Variants in CNBD1 observed in about 807,000 individuals in gnomAD.
CNBD1 encodes the protein cyclic nucleotide-binding domain-containing protein 1.
A neutral mutation model predicts 54.4 loss-of-function variants in CNBD1; 71 were observed. That is an observed-to-expected ratio of 1.30 (90% confidence interval 1.08 to 1.59). CNBD1 has a LOEUF of 1.59. CNBD1 is among the 40% of genes most tolerant of loss of function. The pLI, the probability that CNBD1 is intolerant of heterozygous loss-of-function variation, is 0.00. For missense variants in CNBD1, 659 were observed against 518.0 expected (o/e 1.27, Z -2.64); for synonymous variants, 182 against 170.7 (o/e 1.07, Z -0.51).
Position 87,080,174 on chromosome 8 carries a change from A to G in CNBD1, c.432-125819A>G, listed in dbSNP as rs555737236. On this transcript the variant is annotated intron_variant, in intron 4 of 10. Transcript: ENST00000518476. ...GTATCTGTCCTTTCATGAATACCAC[A>G]TTGTCTCGATTGGTGTAGTTTTATA... Among the ~76,000 whole-genome samples, 6 of 152,304 alleles carry G rather than the reference A, an allele frequency of 3.9e-5. No individual in the cohort carries two copies. The South Asian group carries it at 1.2e-3, about 32-fold the overall frequency.
chr8:87,092,361 G>A (rs1354460447), intron 4 of CNBD1, among the ~76,000 whole-genome samples: 1 of 150,874 alleles, frequency 6.6e-6, no homozygotes, highest in African/African-American at 2.5e-5. Context: ...GTGTGTGTGT[G>A]TGTGTGTATG....
At chr8:86,870,124 GAA>G (rs559815513) in intron 1 of CNBD1, among the ~76,000 whole-genome samples, 1 of 127,716 alleles carries the variant, frequency 7.8e-6, no homozygotes, top group Non-Finnish European at 1.6e-5. Context: ...ATATGAGTTG[GAA>G]AAAAAAAAGC....
chr8:87,302,214 A>G (rs1809014986), intron 8 of CNBD1, among the ~76,000 whole-genome samples: 2 of 152,232 alleles, frequency 1.3e-5, no homozygotes, highest in African/African-American at 4.8e-5. Context: ...AATATCCCTG[A>G]TGAACATCGA....
chr8:86,959,000 C>G lies in CNBD1; in HGVS notation c.431+19246C>G, dbSNP rs555506349. ...AGTGGCTGGTACCGGTTGTTCTTTT[C>G]CATGTTTAGTTCTTCCTCCAGGAGT... On this transcript the variant is annotated intron_variant, in intron 4 of 10. Transcript: ENST00000518476. Among the ~76,000 whole-genome samples the G allele has an allele frequency of 2.6e-5, 4 of 152,222 alleles. No homozygotes were observed. In the South Asian group the frequency reaches 8.3e-4, roughly 32 times the overall value.
intron 8 of CNBD1, among the ~76,000 whole-genome samples, chr8:87,343,450 A>G (rs1810108768): frequency 6.6e-6 from 1 of 152,210 alleles, no homozygotes. Flanking sequence ...TGTCCATGAA[A>G]TCTTCACAAC....
chr8:87,260,235 C>T (rs1319939763), intron 6 of CNBD1, among the ~76,000 whole-genome samples: 1 of 152,076 alleles, frequency 6.6e-6, no homozygotes, highest in Non-Finnish European at 1.5e-5. Context: ...ATTCCTGTAC[C>T]CTGGAAGGCA....
chr8:86,908,800 T>TTTTGACGGAGTCC (rs1554629463), intron 3 of CNBD1, among the ~76,000 whole-genome samples: 3 of 135,768 alleles, frequency 2.2e-5, no homozygotes, highest in Non-Finnish European at 3.2e-5. Context: ...TTTTTTTTTT[T>TTTTGACGGAGTCC]TGTGCTGAGG....
intron 4 of CNBD1, among the ~76,000 whole-genome samples, chr8:87,137,686 G>T (rs910088175): frequency 1.3e-5 from 2 of 152,088 alleles, no homozygotes; most frequent in Non-Finnish European, 2.9e-5. Flanking sequence ...TTGATTTATT[G>T]ATTTTTTTAC....
chr8:87,212,787 G>A (rs1814128332), intron 5 of CNBD1, among the ~76,000 whole-genome samples: 1 of 152,000 alleles, frequency 6.6e-6, no homozygotes, highest in Non-Finnish European at 1.5e-5. Flanking sequence ...CATAATCACA[G>A]GTTAAGCCAT....
intron 4 of CNBD1, among the ~76,000 whole-genome samples, chr8:87,180,530 A>G (rs1813290107): frequency 6.6e-6 from 1 of 152,198 alleles, no homozygotes; most frequent in South Asian, 2.1e-4. Context: ...TAAGATAAAT[A>G]GTTGGATGTG....
intron 4 of CNBD1, among the ~76,000 whole-genome samples, chr8:87,113,951 G>A (rs985386246): frequency 1.3e-5 from 2 of 151,596 alleles, no homozygotes; most frequent in Non-Finnish European, 2.9e-5. Flanking sequence ...TAGAAATGAT[G>A]GCACTATGCC....
Position 87,256,950 on chromosome 8 carries a change from G to A in CNBD1, c.771+19838G>A, listed in dbSNP as rs144122149. ...TCGGGTTCTAGATTGTGAAGGGGTT[G>A]TCCTCAGTGAACCACAAAAAGCTTT... On this transcript the variant is annotated intron_variant, in intron 6 of 10. Coordinates refer to ENST00000518476, the MANE Select transcript of CNBD1 (RefSeq NM_173538.3). Among the ~76,000 whole-genome samples, 3 of 152,108 alleles carry A rather than the reference G, an allele frequency of 2.0e-5. No individual in the cohort carries two copies. In the East Asian group the frequency reaches 5.8e-4, roughly 29 times the overall value.
At chr8:87,223,717 T>C (rs1161418223) in intron 5 of CNBD1, among the ~76,000 whole-genome samples, 1 of 152,044 alleles carries the variant, frequency 6.6e-6, no homozygotes, top group African/African-American at 2.4e-5. Flanking sequence ...TGCATGTGTC[T>C]TTATAGCAGC....
chr8:87,381,084 A>G (rs1232747660), intron 10 of CNBD1, among the ~76,000 whole-genome samples: 2 of 152,116 alleles, frequency 1.3e-5, no homozygotes, highest in Non-Finnish European at 2.9e-5. Context: ...GGAACCAATC[A>G]CCAGAGCAAA....
chr8:87,147,880 T>C (rs1288845164), intron 4 of CNBD1, among the ~76,000 whole-genome samples: 1 of 152,138 alleles, frequency 6.6e-6, no homozygotes, highest in Non-Finnish European at 1.5e-5. Flanking sequence ...TTCTAACTCT[T>C]TTACTTTCTA....
chr8:87,233,911 C>A (rs750973570), intron 5 of CNBD1, among the ~76,000 whole-genome samples: 1 of 152,174 alleles, frequency 6.6e-6, no homozygotes, highest in South Asian at 2.1e-4. Context: ...TGAGTAAGTT[C>A]TCTCAAACCC....
chr8:87,133,727 G>A (rs1205535759), intron 4 of CNBD1, among the ~76,000 whole-genome samples: 1 of 151,250 alleles, frequency 6.6e-6, no homozygotes, highest in Non-Finnish European at 1.5e-5. Flanking sequence ...GCACAGAGAA[G>A]TGGATTTAAA....
chr8:87,129,515 G>C (rs1161904573), intron 4 of CNBD1, among the ~76,000 whole-genome samples: 1 of 151,826 alleles, frequency 6.6e-6, no homozygotes, highest in Non-Finnish European at 1.5e-5. Flanking sequence ...TTATTTGTTG[G>C]TCTTTTCTAA....
At position 87,323,786 on chromosome 8, in the gene CNBD1, C is replaced by T. The variant is rs1809597446; in HGVS notation, c.1043-27899C>T. On this transcript the variant is annotated intron_variant, in intron 8 of 10. Transcript: ENST00000518476. The stretch of plus-strand genomic sequence containing the variant: ...GACTTCCTCTTTTCCTAATTGAATA[C>T]CCTTTATTTCCTTCTCCTGCCTGAT... 4.9e-5 allele frequency among the ~76,000 whole-genome samples: 5 copies of T among 103,020 alleles called. 1 individual carries two copies. The highest frequency in any genetic ancestry group is 2.9e-4 in the South Asian group (1 of 3,506). 67.6% of individuals were successfully genotyped at this position (103,020 alleles called of 152,430 possible).
Sources: allele counts gnomAD v4.1 joint callset (sites outside exome capture counted in the v4.1 genomes callset), GRCh38; gene constraint gnomAD v4.1.1; transcripts MANE v1.5; gene names NCBI Gene and HGNC (gene_info 2026-07-23, HGNC 2026-07-21).